The following EDN1 variants were observed in gnomAD, a reference collection of about 807,000 sequenced individuals.
EDN1 encodes the protein endothelin-1.
A neutral mutation model predicts 21.7 loss-of-function variants in EDN1; 11 were observed. That is an observed-to-expected ratio of 0.51 (90% confidence interval 0.32 to 0.84). EDN1 has a LOEUF of 0.84. Among genes scored for constraint, EDN1 ranks in the 40% least tolerant of loss-of-function variants. EDN1 has a pLI of 0.03. For missense variants in EDN1, 244 were observed against 262.3 expected (o/e 0.93, Z 0.48); for synonymous variants, 85 against 90.6 (o/e 0.94, Z 0.35).
chr6:12,280,989 A>T, the EDN1 span, among the ~76,000 whole-genome samples: 10 of 152,164 alleles, frequency 6.6e-5, no homozygotes, highest in Non-Finnish European at 1.5e-4. Flanking sequence ...TCTCAGATCA[A>T]TTTTTTCTTT....
At chr6:12,241,269 G>A in the EDN1 span, among the ~76,000 whole-genome samples, 1 of 150,818 alleles carries the variant, frequency 6.6e-6, no homozygotes, top group Admixed American at 6.6e-5. Context: ...GGGTTCAAGC[G>A]ATTCTCCTGC....
chr6:12,280,284 C>T, the EDN1 span, among the ~76,000 whole-genome samples: 1 of 152,106 alleles, frequency 6.6e-6, no homozygotes, highest in South Asian at 2.1e-4. Flanking sequence ...TGCTTTTTTC[C>T]AGTATTGATG....
chr6:12,296,033 A>G lies in EDN1; in HGVS notation c.605A>G (p.Glu202Gly). 5 of 1,613,982 alleles carry G rather than the reference A, an allele frequency of 3.1e-6. No homozygotes were observed. Among genetic ancestry groups the G allele is most frequent in the Non-Finnish European group, 4.2e-6 (5 of 1,179,984 alleles). The change falls in exon 5 of 5, where the codon GAG becomes GGG. Residue 202 changes from glutamate to glycine, a missense_variant. Glu to Gly is a moderately conservative substitution (Grantham distance 98). Coordinates refer to ENST00000379375, the MANE Select transcript of EDN1 (RefSeq NM_001955.5). ...AAGCTGAAAGGCAAGCCCTCCAGAG[A>G]GCGTTATGTGACCCACAACCGAGCA... The part of the protein sequence containing the change: ...DPKLKGKPSR[E>G]RYVTHNRAHW
intron 1 of EDN1, among the ~76,000 whole-genome samples, chr6:12,291,905 C>T (rs979314834): frequency 6.6e-6 from 1 of 152,322 alleles, no homozygotes. Context: ...GGGGAAGTGG[C>T]CCCAAAGCTA....
intron 3 of EDN1, 31 bp from the exon 4 acceptor site, chr6:12,294,230 C>T (rs1762765908): frequency 3.1e-6 from 5 of 1,613,996 alleles, no homozygotes; most frequent in Non-Finnish European, 3.4e-6. Flanking sequence ...TATAACATTG[C>T]TGAAATGTTT....
At chr6:12,270,812 TATG>T in the EDN1 span, among the ~76,000 whole-genome samples, 1 of 152,222 alleles carries the variant, frequency 6.6e-6, no homozygotes, top group Non-Finnish European at 1.5e-5. Context: ...GCAGTTTAAA[TATG>T]ATGTTTCTTT....
the EDN1 span, among the ~76,000 whole-genome samples, chr6:12,240,271 G>A: frequency 5.9e-5 from 9 of 152,192 alleles, no homozygotes; most frequent in Admixed American, 1.3e-4. Flanking sequence ...TATGAGCTGG[G>A]AAACATTTCC....
chr6:12,250,103 A>G, the EDN1 span, among the ~76,000 whole-genome samples: 1 of 152,050 alleles, frequency 6.6e-6, no homozygotes, highest in Non-Finnish European at 1.5e-5. Flanking sequence ...GACTTTAAGA[A>G]AAATATTCCT....
the EDN1 span, among the ~76,000 whole-genome samples, chr6:12,241,616 C>G: frequency 6.6e-6 from 1 of 152,136 alleles, no homozygotes; most frequent in Admixed American, 6.5e-5. Context: ...TGAGGTGGCC[C>G]ATTGCTCTAT....
upstream of EDN1, among the ~76,000 whole-genome samples, chr6:12,286,376 G>A (rs1762558846): frequency 6.6e-6 from 1 of 152,178 alleles, no homozygotes; most frequent in African/African-American, 2.4e-5. Context: ...CATAGCTCCT[G>A]GAGATGTGTG....
At chr6:12,273,986 C>T in the EDN1 span, among the ~76,000 whole-genome samples, 2 of 152,120 alleles carry the variant, frequency 1.3e-5, no homozygotes, top group African/African-American at 4.8e-5. Context: ...TTTTCTTACC[C>T]ATATATTGTA....
chr6:12,288,582 G>T (rs1234716102), upstream of EDN1, among the ~76,000 whole-genome samples: 1 of 152,148 alleles, frequency 6.6e-6, no homozygotes, highest in Non-Finnish European at 1.5e-5. Flanking sequence ...GGGTGTGGGT[G>T]TGGGAGGGAG....
intron 2 of EDN1, among the ~76,000 whole-genome samples, chr6:12,292,767 A>G (rs1488248946): frequency 6.6e-6 from 1 of 152,082 alleles, no homozygotes; most frequent in Non-Finnish European, 1.5e-5. Flanking sequence ...CACGTTTCAA[A>G]TGAGGAACTT....
the EDN1 span, among the ~76,000 whole-genome samples, chr6:12,274,964 T>A: frequency 3.3e-5 from 5 of 150,604 alleles, no homozygotes; most frequent in Non-Finnish European, 7.4e-5. Flanking sequence ...CTTCCTTCCT[T>A]CCTTCCTTGC....
chr6:12,287,183 A>G (rs542180030), upstream of EDN1, among the ~76,000 whole-genome samples: 749 of 79,968 alleles, frequency 9.4e-3, 2 homozygotes, highest in East Asian at 0.046. Flanking sequence ...CTATTGGGGA[A>G]AAAAAAAAAT....
chr6:12,290,399 G>A lies in EDN1; in HGVS notation c.-231G>A, dbSNP rs1037177979. 7.0e-6 allele frequency: 4 copies of A among 573,652 alleles called. No homozygotes were observed. The highest frequency in any genetic ancestry group is 1.2e-5 in the Non-Finnish European group (4 of 322,534). The allele number at this position is 573,652 out of a possible 1,614,324, so 35.5% of individuals were successfully genotyped here. A position where few individuals can be genotyped will look rare whatever the true frequency, so the allele number is the denominator to read the frequency against. On this transcript the variant is annotated 5_prime_UTR_variant, in exon 1 of 5. Coordinates refer to ENST00000379375, the MANE Select transcript of EDN1 (RefSeq NM_001955.5). ...CATCTGCGCCAGGCGAACGGGTCCT[G>A]CGCCTCCTGCAGTCCCAGCTCTCCA...
the EDN1 span, among the ~76,000 whole-genome samples, chr6:12,234,592 C>T: frequency 6.6e-6 from 1 of 152,182 alleles, no homozygotes; most frequent in African/African-American, 2.4e-5. Flanking sequence ...GCAAAAGTCT[C>T]TGCTGTTAAA....
the EDN1 span, among the ~76,000 whole-genome samples, chr6:12,272,075 G>T: frequency 0.017 from 2,575 of 152,332 alleles, 38 homozygotes; most frequent in Admixed American, 0.032. Context: ...ACAATACATA[G>T]TTGGAGAACA....
At chr6:12,281,631 A>G in the EDN1 span, among the ~76,000 whole-genome samples, 1 of 149,406 alleles carries the variant, frequency 6.7e-6, no homozygotes. Flanking sequence ...GGACCATGTC[A>G]TTATTAATAG....
Sources: allele counts gnomAD v4.1 joint callset (sites outside exome capture counted in the v4.1 genomes callset), GRCh38; gene constraint gnomAD v4.1.1; transcripts MANE v1.5; gene names NCBI Gene and HGNC (gene_info 2026-07-23, HGNC 2026-07-21).